PGM2L1: variants seen among roughly 807,000 people sequenced by gnomAD.
PGM2L1 encodes the protein glucose 1,6-bisphosphate synthase.
Under a neutral mutation model 73.4 loss-of-function variants are expected in PGM2L1, and 35 were observed. That is an observed-to-expected ratio of 0.48 (90% CI 0.36 to 0.63). The LOEUF (loss-of-function observed/expected upper bound fraction) is 0.63. PGM2L1 is among the 30% of genes least tolerant of loss of function. The pLI, the probability that PGM2L1 is intolerant of heterozygous loss-of-function variation, is 0.00. For missense variants in PGM2L1, 570 were observed against 742.0 expected, an observed-to-expected ratio of 0.77 and a Z score of 2.69; for synonymous variants, 225 against 253.8, an observed-to-expected ratio of 0.89 and a Z score of 1.08.
At chr11:74,386,221 A>G (rs1189183402) in intron 1 of PGM2L1, among the ~76,000 whole-genome samples, 12 of 152,188 alleles carry the variant, frequency 7.9e-5, no homozygotes, top group Non-Finnish European at 1.5e-5. Context: ...AGCAAAAGAT[A>G]TGAATAGTTC....
At chr11:74,376,538 ATG>A (rs1261943275) in intron 1 of PGM2L1, among the ~76,000 whole-genome samples, 1 of 151,024 alleles carries the variant, frequency 6.6e-6, no homozygotes, top group Non-Finnish European at 1.5e-5. Flanking sequence ...ATATGTATAT[ATG>A]TAGTATGTAT....
chr11:74,341,000 G>A (rs529100055), intron 12 of PGM2L1, among the ~76,000 whole-genome samples: 1 of 152,302 alleles, frequency 6.6e-6, no homozygotes, highest in East Asian at 1.9e-4. Context: ...AGGGAATAAG[G>A]TTGGAAAAGG....
chr11:74,360,282 AAGGGAGGGAGGT>A (rs1457500929), intron 5 of PGM2L1, among the ~76,000 whole-genome samples: 4 of 147,024 alleles, frequency 2.7e-5, no homozygotes, highest in Non-Finnish European at 4.5e-5. Flanking sequence ...AGAAGGAAGG[AAGGGAGGGAGGT>A]AGGGAGGGAG....
intron 9 of PGM2L1, 73 bp downstream of exon 9, chr11:74,345,396 C>G: frequency 8.0e-7 from 1 of 1,252,838 alleles, no homozygotes; most frequent in Non-Finnish European, 1.1e-6. Flanking sequence ...GAAAGTCAGT[C>G]TTGGTGGGGA....
chr11:74,351,620 C>A, intron 5 of PGM2L1, 44 bp from the exon 6 acceptor site: 1 of 1,486,168 alleles, frequency 6.7e-7, no homozygotes, highest in Non-Finnish European at 9.1e-7. Flanking sequence ...AAAATGCTTG[C>A]CAGATCTTTT....
intron 1 of PGM2L1, among the ~76,000 whole-genome samples, chr11:74,396,235 T>A (rs1299378195): frequency 7.4e-6 from 1 of 134,930 alleles, no homozygotes; most frequent in Non-Finnish European, 1.6e-5. Flanking sequence ...GCCACTGCAC[T>A]CCAGCCTGGA....
At position 74,336,638 on chromosome 11, in the gene PGM2L1, A is replaced by G. The variant is rs1044782; in HGVS notation, c.*14T>C. 0.63 allele frequency: 982,780 copies of G among 1,554,914 alleles called. 314,362 individuals are homozygous for G. The highest frequency in any genetic ancestry group is 0.76 in the East Asian group (33,677 of 44,330). On this transcript the variant is annotated 3_prime_UTR_variant, in exon 14 of 14. Coordinates refer to ENST00000298198, the MANE Select transcript of PGM2L1 (RefSeq NM_173582.6). ...CCATATGCCCACACAGTGTCATGAC[A>G]TATTGGTGTACCCCTAAACAGAACG...
chr11:74,349,190 A>T (rs1862312482), intron 6 of PGM2L1, among the ~76,000 whole-genome samples: 1 of 152,212 alleles, frequency 6.6e-6, no homozygotes, highest in Non-Finnish European at 1.5e-5. Flanking sequence ...AATTCAGTTC[A>T]TATAGAAAAG....
rs560998819 is a variant in PGM2L1 at position 74,374,508 on chromosome 11, A to G, written c.186T>C (p.Cys62=). 9.5e-5 allele frequency: 154 copies of G among 1,614,198 alleles called. No homozygotes were observed. Among genetic ancestry groups the G allele is most frequent in the South Asian group, 7.9e-4 (72 of 91,090 alleles). The change falls in exon 2 of 14, where the codon TGT becomes TGC. Residue 62 remains cysteine (C), a synonymous_variant. Transcript: ENST00000298198. ...GMNKELRDRL[C]CRMTFGTAGL... The stretch of plus-strand genomic sequence containing the variant: ...CTGCAGTCCCAAAAGTCATTCGGCA[A>G]CAAAGACGATCTCGCAGCTCCTTGT...
chr11:74,386,405 T>C (rs190798490), intron 1 of PGM2L1, among the ~76,000 whole-genome samples: 220 of 152,096 alleles, frequency 1.4e-3, no homozygotes, highest in Middle Eastern at 0.014. Flanking sequence ...GGCACTTTTA[T>C]ATATTATTGG....
In PGM2L1 at chr11:74,346,765, G is replaced by C; in HGVS notation, c.1004C>G (p.Ala335Gly). ...AAGTTCTGCTGCTGCCAGTCTGTCT[G>C]CATCAGGATCTGTGGCTAGCACTAC... ...ARVVLATDPDADRLAAAELQE... is the reference protein window; with the variant it reads ...ARVVLATDPDGDRLAAAELQE... Residue 335 changes from alanine to glycine, a missense_variant, in exon 8 of 14, where the codon GCA (alanine) becomes GGA (glycine). Transcript: ENST00000298198. The C allele has an allele frequency of 6.2e-7, 1 of 1,614,024 alleles. No individual in the cohort carries two copies. Among genetic ancestry groups the C allele is most frequent in the Non-Finnish European group, 8.5e-7 (1 of 1,179,910 alleles).
chr11:74,339,987 T>G (rs913517032), intron 12 of PGM2L1, among the ~76,000 whole-genome samples: 1 of 152,224 alleles, frequency 6.6e-6, no homozygotes. Flanking sequence ...ACTTATCATT[T>G]TGTAAATTGC....
chr11:74,389,988 G>A (rs972922475), intron 1 of PGM2L1, among the ~76,000 whole-genome samples: 2 of 142,516 alleles, frequency 1.4e-5, no homozygotes, highest in African/African-American at 2.6e-5. Context: ...GCGTGGTGAC[G>A]GGCGCCTGTA....
chr11:74,387,099 T>G (rs1863028467), intron 1 of PGM2L1, among the ~76,000 whole-genome samples: 1 of 152,204 alleles, frequency 6.6e-6, no homozygotes, highest in South Asian at 2.1e-4. Flanking sequence ...CAAACATCCT[T>G]ATGTAAAACT....
intron 5 of PGM2L1, chr11:74,355,427 G>T: frequency 2.2e-6 from 1 of 450,438 alleles, no homozygotes; most frequent in Non-Finnish European, 4.1e-6. Flanking sequence ...GGTAGCGGTC[G>T]CCTGTAGTCC....
chr11:74,375,144 C>A (rs962621520), intron 1 of PGM2L1, among the ~76,000 whole-genome samples: 1 of 152,170 alleles, frequency 6.6e-6, no homozygotes, highest in Admixed American at 6.5e-5. Context: ...TTAAAAATCA[C>A]AGAAAACGAT....
At position 74,340,484 on chromosome 11, in the gene PGM2L1, A is replaced by C. The variant is rs768283391; in HGVS notation, c.1633-1883T>G. The stretch of plus-strand genomic sequence containing the variant: ...TTGTTGATTGGATAAATATGCAAAA[A>C]TGGAATATGGGTACTATTCTACACA... On this transcript the variant is annotated intron_variant, in intron 12 of 13. Coordinates refer to ENST00000298198, the MANE Select transcript of PGM2L1 (RefSeq NM_173582.6). Among the ~76,000 whole-genome samples, 5 of 152,222 alleles carry C rather than the reference A, an allele frequency of 3.3e-5. 1 individual carries two copies. Among genetic ancestry groups the C allele is most frequent in the Non-Finnish European group, 7.3e-5 (5 of 68,040 alleles).
At chr11:74,336,904 CA>C (rs924072630) in intron 13 of PGM2L1, 150 bp from the exon 14 acceptor site, 21,044 of 407,238 alleles carry the variant, frequency 0.052, 1 homozygote, top group South Asian at 0.076. Flanking sequence ...AAAACAAGAC[CA>C]AAAAAAAAAA....
intron 6 of PGM2L1, among the ~76,000 whole-genome samples, chr11:74,349,657 G>A (rs1360288665): frequency 6.6e-6 from 1 of 152,042 alleles, no homozygotes; most frequent in Non-Finnish European, 1.5e-5. Flanking sequence ...GGCCTTTTTA[G>A]TAACAGAACT....
Sources: gnomAD v4.1 joint callset for allele counts (sites outside exome capture counted in the v4.1 genomes callset) on GRCh38, gnomAD v4.1.1 for gene constraint, MANE v1.5 for transcripts, NCBI Gene and HGNC (gene_info 2026-07-23, HGNC 2026-07-21) for gene names.